The following USP44 variants were observed in gnomAD, a reference collection of about 807,000 sequenced individuals.
USP44 encodes ubiquitin specific peptidase 44.
USP44 carries 61 observed loss-of-function variants against 69.0 expected under a neutral mutation model. The observed-to-expected ratio is 0.88, with a 90% CI of 0.72 to 1.09. The LOEUF is 1.09. Ranked by LOEUF, USP44 falls within the 50% of genes least tolerant of loss-of-function variation. USP44 has a pLI of 0.00. For missense variants in USP44, 753 were observed against 849.9 expected, an observed-to-expected ratio of 0.89 and a Z score of 1.42; for synonymous variants, 297 against 295.4, an observed-to-expected ratio of 1.01 and a Z score of -0.06.
chr12:95,520,889 G>A (rs2140211279), intron 5 of USP44, 108 bp downstream of exon 5: 1 of 955,668 alleles, frequency 1.0e-6, no homozygotes, highest in Non-Finnish European at 1.6e-6. Context: ...GAAAATAAGT[G>A]GTCGAGTAGC....
chr12:95,525,154 C>T (rs1402436607), intron 3 of USP44, among the ~76,000 whole-genome samples: 1 of 152,242 alleles, frequency 6.6e-6, no homozygotes, highest in Non-Finnish European at 1.5e-5. Flanking sequence ...TCACCACAAC[C>T]TCCGCCTCCT....
rs117939775 is a variant in USP44, at chr12:95,530,865, G to A, written c.1429-1863C>T. Reference sequence around the variant, plus strand: ...AACAATAGGGGAATGGTTAAGTTACGGTATAAACATACGATGTGGCCAGGA... The same window carrying A: ...AACAATAGGGGAATGGTTAAGTTACAGTATAAACATACGATGTGGCCAGGA... On this transcript the variant is annotated intron_variant, in intron 2 of 5. Transcript: ENST00000258499. Among the ~76,000 whole-genome samples, 1,441 of 152,004 alleles carry A rather than the reference G, an allele frequency of 9.5e-3. 9 individuals carry two copies. The highest frequency in any genetic ancestry group is 0.016 in the Non-Finnish European group (1,098 of 67,946).
intron 1 of USP44, among the ~76,000 whole-genome samples, chr12:95,542,707 A>C (rs2140356753): frequency 6.6e-6 from 1 of 151,190 alleles, no homozygotes; most frequent in African/African-American, 2.4e-5. Flanking sequence ...GGTTGCAGTG[A>C]GCCACTGCAC....
At chr12:95,532,222 C>T (rs1565819095) in intron 2 of USP44, among the ~76,000 whole-genome samples, 1 of 140,920 alleles carries the variant, frequency 7.1e-6, no homozygotes, top group Admixed American at 7.9e-5. Context: ...GGCTGGAGTG[C>T]AGTGGTGTGA....
chr12:95,538,771 T>C (rs770218311), intron 1 of USP44, among the ~76,000 whole-genome samples: 9 of 152,194 alleles, frequency 5.9e-5, no homozygotes, highest in Non-Finnish European at 1.2e-4. Flanking sequence ...AGACAGTAAC[T>C]AGGGTATCCC....
intron 5 of USP44, 105 bp from the exon 6 acceptor site, chr12:95,518,458 CAATTCATTTTTCTTTAATGAGA>C: frequency 1.7e-6 from 2 of 1,148,882 alleles, no homozygotes; most frequent in Non-Finnish European, 2.5e-6. Context: ...ATTTTCTAGC[CAATTCATTTTTCTTTAATGAGA>C]AATATAGATT....
rs1232084522 is a variant in USP44 at position 95,533,410 on chromosome 12, A to G, written c.847T>C (p.Tyr283His). 1.9e-6 allele frequency: 3 copies of G among 1,613,810 alleles called. No individual in the cohort carries two copies. Among genetic ancestry groups the G allele is most frequent in the Admixed American group, 1.7e-5 (1 of 59,990 alleles). ...TGLRNLGNTC[Y>H]MNSVLQVLSH... ...AACACCTGAAGAACAGAATTCATAT[A>G]GCAAGTATTTCCCAAATTTCTCAAT... The change falls in exon 2 of 6, where the codon TAT (tyrosine) becomes CAT (histidine). Residue 283 changes from tyrosine (Y) to histidine (H), a missense_variant. Tyr to His is a moderately conservative substitution (Grantham distance 83). Coordinates refer to ENST00000258499, the MANE Select transcript of USP44 (RefSeq NM_032147.5).
intron 1 of USP44, among the ~76,000 whole-genome samples, chr12:95,547,375 A>G (rs1469951262): frequency 6.6e-6 from 1 of 152,230 alleles, no homozygotes; most frequent in African/African-American, 2.4e-5. Flanking sequence ...TGGGGAGAGA[A>G]AACTTGAATG....
intron 5 of USP44, among the ~76,000 whole-genome samples, chr12:95,520,430 T>C (rs1413280776): frequency 6.6e-6 from 1 of 151,948 alleles, no homozygotes; most frequent in East Asian, 1.9e-4. Flanking sequence ...AGGCAGAGGT[T>C]GCAGTGAGCT....
rs535604176 is a variant in USP44 at position 95,524,026 on chromosome 12, G to C, written c.1733+654C>G. On this transcript the variant is annotated intron_variant, in intron 4 of 5. Coordinates refer to ENST00000258499, the MANE Select transcript of USP44 (RefSeq NM_032147.5). Reference sequence around the variant, plus strand: ...CAAGTAGCTGGAATTACAGGCGTGTGTCACCACGCCTGGCTAATTTTTGTA... The same window carrying C: ...CAAGTAGCTGGAATTACAGGCGTGTCTCACCACGCCTGGCTAATTTTTGTA... Among the ~76,000 whole-genome samples, 5 of 152,054 alleles carry C rather than the reference G, an allele frequency of 3.3e-5. No homozygotes were observed. In the East Asian group the frequency reaches 9.7e-4, roughly 30 times the overall value.
At chr12:95,526,396 C>A (rs562653955) in intron 3 of USP44, among the ~76,000 whole-genome samples, 3 of 152,186 alleles carry the variant, frequency 2.0e-5, no homozygotes, top group South Asian at 4.1e-4. Context: ...CACGGTGAAA[C>A]CCTGTCTCTA....
Position 95,533,371 on chromosome 12 carries a change from T to G in USP44, c.886A>C (p.Ile296Leu). ...AGCTTTAAAAAACATTGTCGAAAAA[T>G]AAGTAAATGACTCAACACCTGAAGA... ...SVLQVLSHLL[I>L]FRQCFLKLDL... The change falls in exon 2 of 6, where the codon ATT becomes CTT. Residue 296 changes from isoleucine to leucine, a missense_variant. By Grantham distance (5) the Ile-to-Leu change is conservative. Coordinates refer to ENST00000258499, the MANE Select transcript of USP44 (RefSeq NM_032147.5). 1 of 1,613,114 alleles carries G rather than the reference T, an allele frequency of 6.2e-7. No homozygotes were observed. Among genetic ancestry groups the G allele is most frequent in the Non-Finnish European group, 8.5e-7 (1 of 1,179,416 alleles).
chr12:95,544,877 T>C (rs2077523206), intron 1 of USP44, among the ~76,000 whole-genome samples: 1 of 152,038 alleles, frequency 6.6e-6, no homozygotes, highest in Admixed American at 6.6e-5. Flanking sequence ...TCTTAGTGTC[T>C]TATAACCACA....
At chr12:95,527,840 T>C (rs867971447) in intron 3 of USP44, among the ~76,000 whole-genome samples, 5,170 of 145,944 alleles carry the variant, frequency 0.035, 359 homozygotes, top group African/African-American at 0.12. Context: ...AAGATGCTTT[T>C]TTTTTTTTTT....
In USP44 at chr12:95,545,180, G is replaced by C. The variant is rs144273052; in HGVS notation, c.-71+6092C>G. ...AGAAATGGGCATTCATATTTTACAG[G>C]AACACATATACATTCTAACTCTATT... On this transcript the variant is annotated intron_variant, in intron 1 of 5. Coordinates refer to ENST00000258499, the MANE Select transcript of USP44 (RefSeq NM_032147.5). Among the ~76,000 whole-genome samples the C allele has an allele frequency of 6.5e-4, 98 of 151,560 alleles. No individual in the cohort carries two copies. The East Asian group carries it at 0.018, about 28-fold the overall frequency.
In USP44 at chr12:95,517,240, AAC is replaced by A. The variant is rs1454594647; in HGVS notation, c.*912_*913del. 6.6e-6 allele frequency: 1 copy of A among 152,056 alleles called. No homozygotes were observed. The highest frequency in any genetic ancestry group is 1.5e-5 in the Non-Finnish European group (1 of 68,004). The allele number at this position is 152,056 out of a possible 1,614,324, so 9.4% of individuals were successfully genotyped here. On this transcript the variant is annotated 3_prime_UTR_variant, in exon 6 of 6. Transcript: ENST00000258499. ...AATAATAGTCCAGTTGCCAATTTTG[AAC>A]ACTTATCTTTTCTGCCCTATAATTT... is the stretch of plus-strand genomic sequence containing the variant.
chr12:95,527,431 G>C (rs2076877144), intron 3 of USP44, among the ~76,000 whole-genome samples: 1 of 151,936 alleles, frequency 6.6e-6, no homozygotes, highest in Non-Finnish European at 1.5e-5. Context: ...CATCCTCATA[G>C]CTTAACTCCC....
chr12:95,526,008 T>TTA (rs2076822001), intron 3 of USP44, among the ~76,000 whole-genome samples: 1 of 152,218 alleles, frequency 6.6e-6, no homozygotes, highest in Non-Finnish European at 1.5e-5. Context: ...CTGGATTGTC[T>TTA]CCTAGCACAT....
chr12:95,517,382 ACATCATAC>A lies in USP44; in HGVS notation c.*764_*771del, dbSNP rs2076507180. 1 of 152,174 alleles carries A rather than the reference ACATCATAC, an allele frequency of 6.6e-6. No individual in the cohort carries two copies. Among genetic ancestry groups the A allele is most frequent in the Non-Finnish European group, 1.5e-5 (1 of 68,018 alleles). 9.4% of individuals were successfully genotyped at this position (152,174 alleles called of 1,614,324 possible). ...ATACCCAAGGTAAACTATTTGAATA[ACATCATAC>A]ACTGGTTTACTAAATTCAGACTTTT... On this transcript the variant is annotated 3_prime_UTR_variant, in exon 6 of 6. Transcript: ENST00000258499.
Sources: allele counts gnomAD v4.1 joint callset (sites outside exome capture counted in the v4.1 genomes callset), GRCh38; gene constraint gnomAD v4.1.1; transcripts MANE v1.5; gene names NCBI Gene and HGNC (gene_info 2026-07-23, HGNC 2026-07-21).